CHSY1: variants seen among roughly 807,000 people sequenced by gnomAD.
CHSY1 encodes the protein chondroitin sulfate synthase 1.
CHSY1 carries 13 observed loss-of-function variants against 59.8 expected under a neutral mutation model. That is an observed-to-expected ratio of 0.22 (90% confidence interval 0.14 to 0.35). CHSY1 has a LOEUF of 0.35. Among genes scored for constraint, CHSY1 ranks in the 10% least tolerant of loss-of-function variants. The pLI is 1.00. For synonymous variants in CHSY1, 459 were observed against 401.2 expected (o/e 1.14, Z -1.72); for missense variants, 947 against 1,030.6 (o/e 0.92, Z 1.11).
At chr15:101,234,104 G>A (rs192346856) in intron 2 of CHSY1, among the ~76,000 whole-genome samples, 1 of 152,258 alleles carries the variant, frequency 6.6e-6, no homozygotes, top group East Asian at 1.9e-4. Flanking sequence ...AAAGTCCAAA[G>A]CCAGTCCATC....
chr15:101,216,683 C>T (rs758146811), intron 2 of CHSY1, among the ~76,000 whole-genome samples: 4 of 141,394 alleles, frequency 2.8e-5, no homozygotes, highest in East Asian at 2.8e-4. Flanking sequence ...AGCAAAACTA[C>T]GGAGACAGTA....
Position 101,177,303 on chromosome 15 carries a change from T to TAC in CHSY1, c.*83_*84dup, listed in dbSNP as rs2038204067. On this transcript the variant is annotated 3_prime_UTR_variant, in exon 3 of 3. Transcript: ENST00000254190. ...ACCACTTGTAAAATATATCCTTGTA[T>TAC]ACGGACTTCAAAAACTGATCATACA... The TAC allele has an allele frequency of 7.7e-7, 1 of 1,300,918 alleles. No individual in the cohort carries two copies. Among genetic ancestry groups the TAC allele is most frequent in the African/African-American group, 1.5e-5 (1 of 66,574 alleles). The allele number at this position is 1,300,918 out of a possible 1,614,324, so 80.6% of individuals were successfully genotyped here. A position where few individuals can be genotyped will look rare whatever the true frequency, so the allele number is the denominator to read the frequency against.
chr15:101,189,437 G>A (rs2038414769), intron 2 of CHSY1: 4 of 985,596 alleles, frequency 4.1e-6, no homozygotes, highest in Non-Finnish European at 4.8e-6. Context: ...CAGGGACAAG[G>A]TGGATGTAAG....
intron 2 of CHSY1, among the ~76,000 whole-genome samples, chr15:101,209,625 A>C (rs1369589693): frequency 2.0e-5 from 3 of 152,236 alleles, no homozygotes; most frequent in African/African-American, 7.2e-5. Context: ...ATCAGTTGCT[A>C]TGCAACAATA....
At chr15:101,238,285 A>C (rs572395919) in intron 1 of CHSY1, among the ~76,000 whole-genome samples, 1 of 152,334 alleles carries the variant, frequency 6.6e-6, no homozygotes, top group Non-Finnish European at 1.5e-5. Flanking sequence ...CAAAACTGAG[A>C]TTCTAAATAT....
chr15:101,191,763 C>T (rs148568888), intron 2 of CHSY1, among the ~76,000 whole-genome samples: 21 of 152,102 alleles, frequency 1.4e-4, no homozygotes, highest in Non-Finnish European at 2.5e-4. Flanking sequence ...TTTAAAGCAA[C>T]CTATTAGGGA....
intron 1 of CHSY1, among the ~76,000 whole-genome samples, chr15:101,242,260 C>T (rs1260985373): frequency 6.6e-6 from 1 of 152,144 alleles, no homozygotes; most frequent in East Asian, 1.9e-4. Context: ...ACGCAAGGAA[C>T]GAAAGGCAAA....
rs112043416 is a variant in CHSY1, at chr15:101,240,264, G to A, written c.321-4687C>T. On this transcript the variant is annotated intron_variant, in intron 1 of 2. Coordinates refer to ENST00000254190, the MANE Select transcript of CHSY1 (RefSeq NM_014918.5). ...GAACGAGTTCAGGAACATAAATCGTGATTCACCACCATCCTGAGGAGGAGG... is the reference window on the plus strand; with the variant it reads ...GAACGAGTTCAGGAACATAAATCGTAATTCACCACCATCCTGAGGAGGAGG... Among the ~76,000 whole-genome samples the A allele has an allele frequency of 7.4e-3, 1,134 of 152,274 alleles. 15 individuals carry two copies. The highest frequency in any genetic ancestry group is 0.026 in the African/African-American group (1,082 of 41,544).
chr15:101,243,443 C>T (rs1001203340), intron 1 of CHSY1, among the ~76,000 whole-genome samples: 9 of 152,108 alleles, frequency 5.9e-5, no homozygotes, highest in African/African-American at 1.9e-4. Context: ...TTGTTCTGGC[C>T]GACCACTTTG....
In CHSY1 at chr15:101,251,157, A is replaced by C; in HGVS notation, c.300T>G (p.Thr100=). The change falls in exon 1 of 3, where the codon ACT becomes ACG. Residue 100 remains threonine (T), a synonymous_variant. Coordinates refer to ENST00000254190, the MANE Select transcript of CHSY1 (RefSeq NM_014918.5). Reference sequence around the variant, plus strand: ...CTCACCTGTAGGCGGCCACGGCCCGAGTCTGCAGGTATTTCTGGGCGGTCA... The same window carrying C: ...CTCACCTGTAGGCGGCCACGGCCCGCGTCTGCAGGTATTTCTGGGCGGTCA... ...GVMTAQKYLQ[T]RAVAAYRTWS... is the part of the protein sequence containing the mutation. 1 of 1,593,896 alleles carries C rather than the reference A, an allele frequency of 6.3e-7. No homozygotes were observed. Among genetic ancestry groups the C allele is most frequent in the Non-Finnish European group, 8.5e-7 (1 of 1,173,936 alleles).
chr15:101,247,788 G>C (rs1379319415), intron 1 of CHSY1, among the ~76,000 whole-genome samples: 1 of 152,202 alleles, frequency 6.6e-6, no homozygotes, highest in Non-Finnish European at 1.5e-5. Context: ...GGCAGGTCTA[G>C]AAAGTAAAAA....
intron 1 of CHSY1, among the ~76,000 whole-genome samples, chr15:101,236,307 G>A (rs990117054): frequency 6.6e-5 from 10 of 152,142 alleles, no homozygotes; most frequent in South Asian, 2.1e-4. Flanking sequence ...CACATGTTGC[G>A]GGAGGGACCC....
intron 2 of CHSY1, among the ~76,000 whole-genome samples, chr15:101,233,016 C>T (rs1298079563): frequency 1.3e-5 from 2 of 152,310 alleles, no homozygotes; most frequent in East Asian, 1.9e-4. Flanking sequence ...CGGGACCACA[C>T]GGGGAGGAGG....
chr15:101,193,504 T>C (rs1390152320), intron 2 of CHSY1, among the ~76,000 whole-genome samples: 1 of 152,224 alleles, frequency 6.6e-6, no homozygotes, highest in Non-Finnish European at 1.5e-5. Flanking sequence ...CATAAACGGC[T>C]GGGCCACCAG....
intron 2 of CHSY1, among the ~76,000 whole-genome samples, chr15:101,222,066 AAC>A (rs948826751): frequency 1.8e-4 from 27 of 152,316 alleles, no homozygotes; most frequent in Admixed American, 1.7e-3. Context: ...TTACAGTAAT[AAC>A]ACAGCACATT....
intron 2 of CHSY1, among the ~76,000 whole-genome samples, chr15:101,188,894 C>T (rs8028709): frequency 0.03 from 4,634 of 152,238 alleles, 206 homozygotes; most frequent in African/African-American, 0.11. Flanking sequence ...GTCTTCCCTT[C>T]ACAAACATCT....
intron 1 of CHSY1, among the ~76,000 whole-genome samples, chr15:101,243,709 G>A (rs2039025016): frequency 6.6e-6 from 1 of 152,208 alleles, no homozygotes; most frequent in Non-Finnish European, 1.5e-5. Context: ...ATGGCTTGGC[G>A]ACTTGAAAAC....
Position 101,176,468 on chromosome 15 carries a change from A to G in CHSY1, c.*920T>C, listed in dbSNP as rs2038190021. Reference sequence around the variant, plus strand: ...TTTTACCCTTTAAAGAGAAGGGTCAAGAAGAGAAAATGCCAAATCCTTCTT... The same window carrying G: ...TTTTACCCTTTAAAGAGAAGGGTCAGGAAGAGAAAATGCCAAATCCTTCTT... On this transcript the variant is annotated 3_prime_UTR_variant, in exon 3 of 3. Transcript: ENST00000254190. 1 of 398,378 alleles carries G rather than the reference A, an allele frequency of 2.5e-6. No homozygotes were observed. The highest frequency in any genetic ancestry group is 1.3e-4 in the South Asian group (1 of 7,846). The allele number at this position is 398,378 out of a possible 1,614,324, so 24.7% of individuals were successfully genotyped here.
chr15:101,229,723 A>G (rs1006463172), intron 2 of CHSY1, among the ~76,000 whole-genome samples: 1 of 152,056 alleles, frequency 6.6e-6, no homozygotes, highest in Non-Finnish European at 1.5e-5. Context: ...CCTGGTTAAC[A>G]TGGTGAAACC....
Sources: gnomAD v4.1 joint callset for allele counts (sites outside exome capture counted in the v4.1 genomes callset) on GRCh38, gnomAD v4.1.1 for gene constraint, MANE v1.5 for transcripts, NCBI Gene and HGNC (gene_info 2026-07-23, HGNC 2026-07-21) for gene names.